FBXL20: variants seen among roughly 807,000 people sequenced by gnomAD.
The protein encoded by FBXL20 is F-box and leucine rich repeat protein 20.
Under a neutral mutation model 64.0 loss-of-function variants are expected in FBXL20, and 11 were observed. The observed-to-expected ratio is 0.17, with a 90% CI of 0.11 to 0.28. FBXL20 has a LOEUF of 0.28. FBXL20 is among the 10% of genes least tolerant of loss of function. The pLI is 1.00. For synonymous variants in FBXL20, 184 were observed against 189.0 expected (o/e 0.97, Z 0.22); for missense variants, 303 against 526.2 (o/e 0.58, Z 4.15).
At chr17:39,395,792 T>C (rs1177168290) in intron 1 of FBXL20, among the ~76,000 whole-genome samples, 1 of 152,180 alleles carries the variant, frequency 6.6e-6, no homozygotes, top group African/African-American at 2.4e-5. Flanking sequence ...ATTCAGTCAC[T>C]TTGTCATTGT....
intron 2 of FBXL20, among the ~76,000 whole-genome samples, chr17:39,330,782 A>T (rs894606340): frequency 6.6e-6 from 1 of 152,216 alleles, no homozygotes; most frequent in African/African-American, 2.4e-5. Flanking sequence ...TGAGCTTGAC[A>T]ATATTAAAAC....
intron 1 of FBXL20, 88 bp downstream of exon 1, chr17:39,401,273 G>C (rs1019562061): frequency 1.2e-6 from 2 of 1,602,874 alleles, no homozygotes; most frequent in Admixed American, 1.7e-5. Context: ...GCGCCTGCCA[G>C]GGAGGAGGCT....
At position 39,291,799 on chromosome 17, in the gene FBXL20, G is replaced by A. The variant is rs145616151; in HGVS notation, c.398+5328C>T. Among the ~76,000 whole-genome samples, 447 of 152,142 alleles carry A rather than the reference G, an allele frequency of 2.9e-3. 4 individuals carry two copies. Among genetic ancestry groups the A allele is most frequent in the Non-Finnish European group, 4.6e-3 (311 of 67,992 alleles). On this transcript the variant is annotated intron_variant, in intron 6 of 14. Coordinates refer to ENST00000264658, the MANE Select transcript of FBXL20 (RefSeq NM_032875.3). The stretch of plus-strand genomic sequence containing the variant: ...TTTTGCTCTAAGCAATACCTTAGGC[G>A]CATTCCACAAATTTACAAAGTTATA...
At chr17:39,375,282 G>A (rs2047956383) in intron 1 of FBXL20, among the ~76,000 whole-genome samples, 1 of 151,982 alleles carries the variant, frequency 6.6e-6, no homozygotes, top group African/African-American at 2.4e-5. Context: ...ATAACTGGAG[G>A]TCAAAATAAG....
rs1228739826 is a variant in FBXL20 at position 39,324,903 on chromosome 17, G to C, written c.104+18277C>G. On this transcript the variant is annotated intron_variant, in intron 2 of 14. Transcript: ENST00000264658. ...AGATTTAATACTCAAAAAAAGTCAA[G>C]GTCAAGAATCATTCTTTAGGCCAAG... Among the ~76,000 whole-genome samples the C allele has an allele frequency of 2.6e-5, 4 of 152,128 alleles. No homozygotes were observed. The South Asian group carries it at 6.2e-4, about 24-fold the overall frequency.
At chr17:39,273,376 A>G (rs1249230158) in intron 10 of FBXL20, among the ~76,000 whole-genome samples, 1 of 152,190 alleles carries the variant, frequency 6.6e-6, no homozygotes, top group Non-Finnish European at 1.5e-5. Flanking sequence ...ATTTTCTGAA[A>G]GTTTTATAGC....
intron 1 of FBXL20, among the ~76,000 whole-genome samples, chr17:39,348,244 C>T (rs890361193): frequency 5.3e-5 from 8 of 151,996 alleles, no homozygotes; most frequent in African/African-American, 1.9e-4. Flanking sequence ...GGGTGGATCA[C>T]GAGGTCAAGA....
intron 1 of FBXL20, among the ~76,000 whole-genome samples, chr17:39,348,484 G>A (rs994561513): frequency 1.3e-5 from 2 of 151,762 alleles, no homozygotes; most frequent in Non-Finnish European, 2.9e-5. Context: ...AAAAGATGGA[G>A]TCTCAGTATG....
chr17:39,271,337 C>T (rs2046841393), intron 10 of FBXL20, among the ~76,000 whole-genome samples: 2 of 152,230 alleles, frequency 1.3e-5, no homozygotes, highest in South Asian at 2.1e-4. Context: ...GTGGCTCATG[C>T]CTATAATCCC....
In FBXL20 at chr17:39,401,510, G is replaced by A; in HGVS notation, c.-108C>T. On this transcript the variant is annotated 5_prime_UTR_variant, in exon 1 of 15. Coordinates refer to ENST00000264658, the MANE Select transcript of FBXL20 (RefSeq NM_032875.3). ...CGGGACGGGGACTGGGCGCCGGAGGGGTGACGCCGGGACCGTGGGACGGGA... is the reference window on the plus strand; with the variant it reads ...CGGGACGGGGACTGGGCGCCGGAGGAGTGACGCCGGGACCGTGGGACGGGA... 6.7e-7 allele frequency: 1 copy of A among 1,489,044 alleles called. No individual in the cohort carries two copies. The highest frequency in any genetic ancestry group is 8.9e-7 in the Non-Finnish European group (1 of 1,127,918). 92.2% of individuals were successfully genotyped at this position (1,489,044 alleles called of 1,614,324 possible). A position where few individuals can be genotyped will look rare whatever the true frequency, so the allele number is the denominator to read the frequency against.
At chr17:39,381,444 C>T (rs1048683270) in intron 1 of FBXL20, among the ~76,000 whole-genome samples, 1 of 144,792 alleles carries the variant, frequency 6.9e-6, no homozygotes, top group Non-Finnish European at 1.5e-5. Context: ...CGTGCCACTG[C>T]ACTCCAGCCT....
intron 6 of FBXL20, among the ~76,000 whole-genome samples, chr17:39,294,878 G>A (rs2047071144): frequency 1.3e-5 from 2 of 152,158 alleles, no homozygotes; most frequent in South Asian, 4.1e-4. Context: ...TGGACATGGT[G>A]GCATGGGCCT....
Position 39,401,557 on chromosome 17 carries a change from G to C in FBXL20, c.-155C>G, listed in dbSNP as rs2048245398. 7.0e-7 allele frequency: 1 copy of C among 1,418,816 alleles called. No homozygotes were observed. Among genetic ancestry groups the C allele is most frequent in the Non-Finnish European group, 9.1e-7 (1 of 1,095,922 alleles). 87.9% of individuals were successfully genotyped at this position (1,418,816 alleles called of 1,614,324 possible). On this transcript the variant is annotated 5_prime_UTR_variant, in exon 1 of 15. Coordinates refer to ENST00000264658, the MANE Select transcript of FBXL20 (RefSeq NM_032875.3). ...GGGAACAAGAGACCTCTCGGCTCCG[G>C]CTAGGCCTCCACCACCTCCCGCGGC... is the stretch of plus-strand genomic sequence containing the variant.
intron 6 of FBXL20, 79 bp downstream of exon 6, chr17:39,297,048 G>A: frequency 1.1e-6 from 1 of 950,028 alleles, no homozygotes; most frequent in Non-Finnish European, 1.6e-6. Flanking sequence ...GCTCAATAGA[G>A]TTAATGGCCT....
intron 14 of FBXL20, among the ~76,000 whole-genome samples, chr17:39,262,905 G>A (rs1258625448): frequency 6.6e-6 from 1 of 152,136 alleles, no homozygotes; most frequent in South Asian, 2.1e-4. Flanking sequence ...GGGAGGCTGA[G>A]TCAGGAGAAT....
rs374973182 is a variant in FBXL20, at chr17:39,318,199, T to C, written c.105-14560A>G. ...ACCATGTTGTCTACTTTTGTGTTCG[T>C]TGGAGTTAAGAATTCCATGAGAAAG... On this transcript the variant is annotated intron_variant, in intron 2 of 14. Transcript: ENST00000264658. Among the ~76,000 whole-genome samples, 128 of 152,292 alleles carry C rather than the reference T, an allele frequency of 8.4e-4. 1 individual carries two copies. The highest frequency in any genetic ancestry group is 2.9e-3 in the African/African-American group (120 of 41,560).
chr17:39,274,799 T>A (rs1029018103), intron 10 of FBXL20, among the ~76,000 whole-genome samples, 171 bp downstream of exon 10: 15 of 152,194 alleles, frequency 9.9e-5, no homozygotes, highest in Admixed American at 9.8e-4. Flanking sequence ...ACCAATTACA[T>A]GAAATCAAAT....
intron 6 of FBXL20, among the ~76,000 whole-genome samples, chr17:39,294,693 T>C (rs910966174): frequency 3.3e-5 from 5 of 152,200 alleles, no homozygotes; most frequent in Admixed American, 6.5e-5. Flanking sequence ...TTTTAAGATA[T>C]TGTTTTTAGA....
chr17:39,305,852 G>C (rs1015256100), intron 2 of FBXL20, among the ~76,000 whole-genome samples: 1 of 151,936 alleles, frequency 6.6e-6, no homozygotes, highest in Non-Finnish European at 1.5e-5. Context: ...AGGCGTGGTG[G>C]TGGGGGCGCT....
Sources: allele counts gnomAD v4.1 joint callset (sites outside exome capture counted in the v4.1 genomes callset), GRCh38; gene constraint gnomAD v4.1.1; transcripts MANE v1.5; gene names NCBI Gene and HGNC (gene_info 2026-07-23, HGNC 2026-07-21).